TENM2: variants seen among roughly 807,000 people sequenced by gnomAD.
TENM2 encodes teneurin transmembrane protein 2, also known as teneurin-2.
TENM2 carries 52 observed loss-of-function variants against 245.2 expected under a neutral mutation model. The ratio of observed to expected loss-of-function variants is 0.21; its 90% CI spans 0.17 to 0.27. The LOEUF is 0.27. TENM2 is among the 10% of genes least tolerant of loss of function. The probability of loss-of-function intolerance (pLI) is 1.00; values close to 1 mark genes in which losing one functional copy is unlikely to be tolerated. For synonymous variants in TENM2, 1,363 were observed against 1,438.9 expected (o/e 0.95, Z 1.19); for missense variants, 3,046 against 3,666.8 (o/e 0.83, Z 4.37).
At chr5:167,103,688 C>T in the TENM2 span, among the ~76,000 whole-genome samples, 1 of 152,104 alleles carries the variant, frequency 6.6e-6, no homozygotes, top group African/African-American at 2.4e-5. Flanking sequence ...ATCCATTCTC[C>T]CTGTGAATCT....
At chr5:167,265,099 G>T in the TENM2 span, among the ~76,000 whole-genome samples, 1 of 151,804 alleles carries the variant, frequency 6.6e-6, no homozygotes, top group African/African-American at 2.4e-5. Flanking sequence ...AGACCGAGGC[G>T]AGTGGATCAT....
chr5:167,462,587 G>A (rs954448580), intron 2 of TENM2, among the ~76,000 whole-genome samples: 1 of 152,038 alleles, frequency 6.6e-6, no homozygotes, highest in African/African-American at 2.4e-5. Flanking sequence ...GAAAGGGGAT[G>A]GAGTGGGAAT....
At chr5:167,260,992 C>A in the TENM2 span, among the ~76,000 whole-genome samples, 3 of 152,092 alleles carry the variant, frequency 2.0e-5, no homozygotes, top group Admixed American at 1.3e-4. Context: ...TAGAATTATC[C>A]CATTTCATAG....
At chr5:167,377,924 T>A (rs1299118068) in intron 2 of TENM2, among the ~76,000 whole-genome samples, 1 of 152,174 alleles carries the variant, frequency 6.6e-6, no homozygotes, top group Non-Finnish European at 1.5e-5. Context: ...CAATAACCTT[T>A]TAGGTATGCC....
intron 2 of TENM2, among the ~76,000 whole-genome samples, chr5:167,497,245 C>T (rs1562003330): frequency 6.6e-6 from 1 of 151,956 alleles, no homozygotes; most frequent in Admixed American, 6.6e-5. Context: ...TTTCTTCCCT[C>T]CTGGTACCAA....
intron 2 of TENM2, among the ~76,000 whole-genome samples, chr5:167,640,684 A>G (rs1779496847): frequency 6.6e-6 from 1 of 150,800 alleles, no homozygotes; most frequent in Non-Finnish European, 1.5e-5. Flanking sequence ...AATAATTAAG[A>G]CCCGGATACC....
intron 12 of TENM2, among the ~76,000 whole-genome samples, chr5:168,160,215 T>A (rs1395631620): frequency 6.6e-6 from 1 of 152,232 alleles, no homozygotes; most frequent in Non-Finnish European, 1.5e-5. Context: ...CTGTGAAATG[T>A]CCCTTGGTCT....
At chr5:167,386,417 C>T (rs1761436643) in intron 2 of TENM2, among the ~76,000 whole-genome samples, 1 of 151,908 alleles carries the variant, frequency 6.6e-6, no homozygotes, top group Non-Finnish European at 1.5e-5. Flanking sequence ...GGTTGTTAGT[C>T]CTTTGTCAGA....
chr5:167,537,180 G>C (rs1452429586), intron 2 of TENM2, among the ~76,000 whole-genome samples: 1 of 151,324 alleles, frequency 6.6e-6, no homozygotes, highest in East Asian at 1.9e-4. Flanking sequence ...GGGAGGCCGA[G>C]GTGGGAGGAT....
At chr5:167,924,840 A>G (rs983012324) in intron 3 of TENM2, among the ~76,000 whole-genome samples, 1 of 152,214 alleles carries the variant, frequency 6.6e-6, no homozygotes, top group Admixed American at 6.5e-5. Flanking sequence ...ACACTTAGGT[A>G]TCATTTCATA....
chr5:168,245,417 G>A (rs1027899877), intron 26 of TENM2, among the ~76,000 whole-genome samples: 2 of 151,972 alleles, frequency 1.3e-5, no homozygotes, highest in Non-Finnish European at 2.9e-5. Context: ...CGTCAGGATG[G>A]GGAATTTTGC....
intron 2 of TENM2, among the ~76,000 whole-genome samples, chr5:167,602,842 A>T (rs1561591621): frequency 6.6e-6 from 1 of 152,190 alleles, no homozygotes; most frequent in African/African-American, 2.4e-5. Flanking sequence ...TCATAGAGAT[A>T]AAGGCTAAAA....
the TENM2 span, among the ~76,000 whole-genome samples, chr5:167,251,236 G>A: frequency 3.9e-5 from 6 of 152,042 alleles, no homozygotes; most frequent in Non-Finnish European, 8.8e-5. Flanking sequence ...AACTGGCTGC[G>A]TAATTGCAGT....
intron 3 of TENM2, among the ~76,000 whole-genome samples, chr5:167,899,232 A>C (rs915308432): frequency 6.6e-6 from 1 of 152,190 alleles, no homozygotes; most frequent in African/African-American, 2.4e-5. Context: ...AGAAAGCAAA[A>C]GGGGCAAGAG....
At chr5:167,521,796 C>G (rs946254046) in intron 2 of TENM2, among the ~76,000 whole-genome samples, 6 of 152,114 alleles carry the variant, frequency 3.9e-5, no homozygotes, top group Non-Finnish European at 8.8e-5. Context: ...GCTAATACAG[C>G]ACTGTGTTAG....
intron 3 of TENM2, among the ~76,000 whole-genome samples, chr5:167,908,059 G>C (rs1456175779): frequency 6.6e-6 from 1 of 151,872 alleles, no homozygotes; most frequent in Non-Finnish European, 1.5e-5. Flanking sequence ...GATTATCTCT[G>C]TCTGTCTGTA....
the TENM2 span, among the ~76,000 whole-genome samples, chr5:167,156,117 T>C: frequency 6.6e-6 from 1 of 152,228 alleles, no homozygotes; most frequent in Non-Finnish European, 1.5e-5. Context: ...ACAATCTATT[T>C]ATAAATTTCT....
chr5:167,343,709 A>G (rs1758267785), intron 1 of TENM2, among the ~76,000 whole-genome samples: 1 of 152,232 alleles, frequency 6.6e-6, no homozygotes. Context: ...ATGAATTAAC[A>G]CAAGAAGTTT....
At chr5:167,190,789 G>A in the TENM2 span, among the ~76,000 whole-genome samples, 5 of 151,890 alleles carry the variant, frequency 3.3e-5, no homozygotes, top group Admixed American at 2.0e-4. Context: ...CATGCCAATC[G>A]GGACGTACTC....
Sources: gnomAD v4.1 joint callset for allele counts (sites outside exome capture counted in the v4.1 genomes callset) on GRCh38, gnomAD v4.1.1 for gene constraint, MANE v1.5 for transcripts, NCBI Gene and HGNC (gene_info 2026-07-23, HGNC 2026-07-21) for gene names.